The following TCF4 variants were observed in gnomAD, a reference collection of about 807,000 sequenced individuals.
TCF4 encodes SL3-3 enhancer factor 2.
A neutral mutation model predicts 82.1 loss-of-function variants in TCF4; 3 were observed. The ratio of observed to expected loss-of-function variants is 0.04; its 90% CI spans 0.02 to 0.09. The LOEUF (loss-of-function observed/expected upper bound fraction) is 0.09. Among genes scored for constraint, TCF4 ranks in the 10% least tolerant of loss-of-function variants. The pLI is 1.00. For synonymous variants in TCF4, 276 were observed against 309.6 expected (o/e 0.89, Z 1.14); for missense variants, 518 against 852.7 (o/e 0.61, Z 4.89).
chr18:55,566,835 T>C (rs1235552350), intron 3 of TCF4, among the ~76,000 whole-genome samples: 1 of 152,172 alleles, frequency 6.6e-6, no homozygotes, highest in Non-Finnish European at 1.5e-5. Flanking sequence ...AAATAAAAGC[T>C]GATAATTTTT....
At chr18:55,351,845 T>C (rs2082386595) in intron 6 of TCF4, 1 of 919,132 alleles carries the variant, frequency 1.1e-6, no homozygotes, top group Non-Finnish European at 1.3e-6. Flanking sequence ...ACATTGTTCT[T>C]TTAATTATTC....
intron 3 of TCF4, among the ~76,000 whole-genome samples, chr18:55,536,660 G>T (rs931473453): frequency 6.6e-6 from 1 of 152,162 alleles, no homozygotes; most frequent in African/African-American, 2.4e-5. Flanking sequence ...TCACAAGACA[G>T]ATTTCCAAAG....
chr18:55,346,806 G>A (rs979262429), intron 8 of TCF4, among the ~76,000 whole-genome samples: 1 of 152,130 alleles, frequency 6.6e-6, no homozygotes, highest in Non-Finnish European at 1.5e-5. Flanking sequence ...AAAAGATAAT[G>A]CCTTTGCTTT....
At chr18:55,596,099 G>A (rs1457265851) in intron 2 of TCF4, 1 of 439,158 alleles carries the variant, frequency 2.3e-6, no homozygotes. Context: ...CTCGAGTGAT[G>A]ACTCACGCCT....
intron 6 of TCF4, among the ~76,000 whole-genome samples, chr18:55,380,263 C>T (rs1203529995): frequency 2.0e-5 from 3 of 151,698 alleles, no homozygotes; most frequent in Non-Finnish European, 2.9e-5. Flanking sequence ...TCTTCCTTTA[C>T]TTTTCTTTTT....
chr18:55,525,798 C>CT (rs11441646), intron 3 of TCF4, among the ~76,000 whole-genome samples: 104,217 of 151,508 alleles, frequency 0.69, 36,157 homozygotes, highest in East Asian at 0.92. Flanking sequence ...TTGCCCTCGG[C>CT]GGAACCTAGG....
At chr18:55,496,838 GTCT>G (rs2096641744) in intron 3 of TCF4, among the ~76,000 whole-genome samples, 1 of 145,054 alleles carries the variant, frequency 6.9e-6, no homozygotes, top group Non-Finnish European at 1.5e-5. Flanking sequence ...AAACACAGCA[GTCT>G]ACAATGGAAT....
chr18:55,571,874 CAAAAAA>C (rs57217543), intron 3 of TCF4, among the ~76,000 whole-genome samples: 3 of 122,572 alleles, frequency 2.4e-5, no homozygotes, highest in Non-Finnish European at 3.5e-5. Context: ...ATTTTCTTTT[CAAAAAA>C]AAAAAAAAAG....
At chr18:55,485,344 C>T (rs972583960) in intron 3 of TCF4, among the ~76,000 whole-genome samples, 2 of 152,164 alleles carry the variant, frequency 1.3e-5, no homozygotes, top group East Asian at 3.8e-4. Flanking sequence ...CCACCAGCAC[C>T]CCAGTAGGTT....
At chr18:55,361,745 T>G (rs537750563) in intron 6 of TCF4, among the ~76,000 whole-genome samples, 1 of 152,336 alleles carries the variant, frequency 6.6e-6, no homozygotes, top group Admixed American at 6.5e-5. Context: ...CAGCCCAGGA[T>G]GCCACTCAGT....
chr18:55,463,967 TGTGTGTGTGTGAGAGA>T, intron 4 of TCF4, 93 bp downstream of exon 4: 1 of 833,810 alleles, frequency 1.2e-6, no homozygotes, highest in Non-Finnish European at 2.0e-6. Context: ...TGTGTGTGTG[TGTGTGTGTGTGAGAGA>T]GAGAGAGAGA....
At chr18:55,395,378 C>T (rs1341732573) in intron 6 of TCF4, among the ~76,000 whole-genome samples, 1 of 152,148 alleles carries the variant, frequency 6.6e-6, no homozygotes, top group Non-Finnish European at 1.5e-5. Flanking sequence ...TTTAAAAACG[C>T]TTAATGGTTT....
chr18:55,277,957 A>C (rs1011621011), intron 9 of TCF4, among the ~76,000 whole-genome samples: 1 of 152,180 alleles, frequency 6.6e-6, no homozygotes, highest in Non-Finnish European at 1.5e-5. Flanking sequence ...AAACGCACCC[A>C]GGTGACATAG....
At chr18:55,310,019 C>A (rs1453405555) in intron 8 of TCF4, among the ~76,000 whole-genome samples, 4 of 152,122 alleles carry the variant, frequency 2.6e-5, no homozygotes, top group East Asian at 1.9e-4. Context: ...TTAAAATTTT[C>A]TTTTCAGTTG....
In TCF4 at chr18:55,586,164, GCA is replaced by G. The variant is rs2097647344; in HGVS notation, c.73-814_73-813del. The G allele has an allele frequency of 3.2e-3, 1,057 of 331,302 alleles. 111 individuals are homozygous for G. Among genetic ancestry groups the G allele is most frequent in the Admixed American group, 0.014 (97 of 7,182 alleles). The allele number at this position is 331,302 out of a possible 1,614,324, so 20.5% of individuals were successfully genotyped here. On this transcript the variant is annotated intron_variant, in intron 2 of 19. Coordinates refer to ENST00000354452, the MANE Select transcript of TCF4 (RefSeq NM_001083962.2). ...AGGAGGAGGAGGAGGAGCAGCAGCA[GCA>G]GCAGCAGCAGCAGCAGCAGCAGCAG...
chr18:55,539,116 T>C (rs938839583), intron 3 of TCF4, among the ~76,000 whole-genome samples: 1 of 148,818 alleles, frequency 6.7e-6, no homozygotes, highest in Non-Finnish European at 1.5e-5. Flanking sequence ...TCAAAAGAAA[T>C]GGAATTCTGA....
At chr18:55,250,376 A>T (rs577026062) in intron 15 of TCF4, among the ~76,000 whole-genome samples, 1 of 152,292 alleles carries the variant, frequency 6.6e-6, no homozygotes, top group South Asian at 2.1e-4. Flanking sequence ...ATACCTGGAA[A>T]CTTCTTTTGC....
At chr18:55,574,525 A>C (rs570826291) in intron 3 of TCF4, among the ~76,000 whole-genome samples, 1 of 152,294 alleles carries the variant, frequency 6.6e-6, no homozygotes, top group East Asian at 1.9e-4. Flanking sequence ...GGATTTCTAC[A>C]AAATAATTAA....
intron 3 of TCF4, among the ~76,000 whole-genome samples, chr18:55,505,941 C>A (rs1401320085): frequency 6.6e-6 from 1 of 151,820 alleles, no homozygotes; most frequent in African/African-American, 2.4e-5. Flanking sequence ...CTAAAGATTA[C>A]TGCAAAAATG....
Sources: allele counts gnomAD v4.1 joint callset (sites outside exome capture counted in the v4.1 genomes callset), GRCh38; gene constraint gnomAD v4.1.1; transcripts MANE v1.5; gene names NCBI Gene and HGNC (gene_info 2026-07-23, HGNC 2026-07-21).